Variants in SPCS2 observed in about 807,000 individuals in gnomAD.
The protein encoded by SPCS2 is SPase 25 kDa subunit.
In SPCS2, 3 loss-of-function variants were observed where a neutral mutation model predicts 22.3. The ratio of observed to expected loss-of-function variants is 0.13; its 90% CI spans 0.06 to 0.35. The LOEUF (loss-of-function observed/expected upper bound fraction) is 0.35. Among genes scored for constraint, SPCS2 ranks in the 10% least tolerant of loss-of-function variants. The pLI is 1.00. For synonymous variants in SPCS2, 67 were observed against 97.2 expected (o/e 0.69, Z 1.83); for missense variants, 169 against 280.9 (o/e 0.60, Z 2.85).
At chr11:74,958,794 C>G (rs915736930) in intron 1 of SPCS2, among the ~76,000 whole-genome samples, 1 of 152,108 alleles carries the variant, frequency 6.6e-6, no homozygotes, top group African/African-American at 2.4e-5. Flanking sequence ...AGAATACTCC[C>G]TTTCAGTCCC....
In SPCS2 at chr11:74,961,593, G is replaced by A. The variant is rs567529662; in HGVS notation, c.115-3441G>A. ...TCTTCCTCTGTTCACCCAGGCTAGA[G>A]TGCAATGGCACCATCTCGGCTCACT... On this transcript the variant is annotated intron_variant, in intron 1 of 4. Coordinates refer to ENST00000263672, the MANE Select transcript of SPCS2 (RefSeq NM_014752.3). Among the ~76,000 whole-genome samples, 543 of 142,588 alleles carry A rather than the reference G, an allele frequency of 3.8e-3. 3 individuals carry two copies. Among genetic ancestry groups the A allele is most frequent in the African/African-American group, 0.012 (510 of 40,982 alleles). The allele number at this position is 142,588 out of a possible 152,430, so 93.5% of individuals were successfully genotyped here.
intron 1 of SPCS2, among the ~76,000 whole-genome samples, chr11:74,962,939 T>C (rs1948522490): frequency 6.6e-6 from 1 of 152,270 alleles, no homozygotes; most frequent in African/African-American, 2.4e-5. Context: ...CATTATCCTC[T>C]GACTTTTAAA....
chr11:74,969,053 A>G (rs1250005410), intron 3 of SPCS2, among the ~76,000 whole-genome samples: 1 of 152,232 alleles, frequency 6.6e-6, no homozygotes, highest in South Asian at 2.1e-4. Flanking sequence ...TAACTATGGT[A>G]CTTAATACTG....
At chr11:74,965,964 T>G in intron 3 of SPCS2, 41 bp downstream of exon 3, 1 of 1,553,312 alleles carries the variant, frequency 6.4e-7, no homozygotes, top group Non-Finnish European at 8.7e-7. Flanking sequence ...TAGTGACTAT[T>G]TTTTTAAATC....
intron 1 of SPCS2, among the ~76,000 whole-genome samples, chr11:74,956,634 C>A (rs1310767140): frequency 6.6e-6 from 1 of 152,206 alleles, no homozygotes; most frequent in Non-Finnish European, 1.5e-5. Context: ...GGCTCCGTTA[C>A]ATTTTGTTCT....
At chr11:74,971,397 C>T (rs1201280452) in intron 4 of SPCS2, among the ~76,000 whole-genome samples, 2 of 152,214 alleles carry the variant, frequency 1.3e-5, no homozygotes. Flanking sequence ...TATGCTAACT[C>T]TCTTTGTTTG....
At chr11:74,962,628 A>C (rs1948520977) in intron 1 of SPCS2, among the ~76,000 whole-genome samples, 1 of 152,014 alleles carries the variant, frequency 6.6e-6, no homozygotes, top group African/African-American at 2.4e-5. Flanking sequence ...ATTTTAGTTG[A>C]TGAGCAGTTT....
At chr11:74,973,202 C>T (rs1386657137) in intron 4 of SPCS2, among the ~76,000 whole-genome samples, 1 of 152,158 alleles carries the variant, frequency 6.6e-6, no homozygotes, top group Admixed American at 6.5e-5. Flanking sequence ...GCTTCCAATG[C>T]GTCCTCTTCC....
chr11:74,966,727 T>C (rs527325370), intron 3 of SPCS2, among the ~76,000 whole-genome samples: 1 of 151,556 alleles, frequency 6.6e-6, no homozygotes, highest in Non-Finnish European at 1.5e-5. Context: ...GTTGGTAGTT[T>C]ACTTTTTTAA....
At chr11:74,952,802 G>A (rs931137158) in intron 1 of SPCS2, among the ~76,000 whole-genome samples, 2 of 152,202 alleles carry the variant, frequency 1.3e-5, no homozygotes, top group African/African-American at 4.8e-5. Context: ...ATAGTCAAGA[G>A]CTGCTTGAGT....
intron 4 of SPCS2, among the ~76,000 whole-genome samples, chr11:74,975,773 C>T (rs1848107875): frequency 6.6e-6 from 1 of 152,198 alleles, no homozygotes; most frequent in African/African-American, 2.4e-5. Flanking sequence ...CTGTTTTAGT[C>T]ATGACAGTAA....
rs1233465044 is a variant in SPCS2 at position 74,977,559 on chromosome 11, ATTTG to A, written c.*521_*524del. On this transcript the variant is annotated 3_prime_UTR_variant, in exon 5 of 5. Transcript: ENST00000263672. ...AATTTAAAAAACACATAGCTTTTTA[ATTTG>A]TTTGAAACAGACTTTCTGCCTGTTA... 2 of 152,444 alleles carry A rather than the reference ATTTG, an allele frequency of 1.3e-5. No homozygotes were observed. The highest frequency in any genetic ancestry group is 3.9e-4 in the East Asian group (2 of 5,190). 9.4% of individuals were successfully genotyped at this position (152,444 alleles called of 1,614,324 possible).
intron 4 of SPCS2, among the ~76,000 whole-genome samples, chr11:74,973,351 T>A (rs1217541305): frequency 6.6e-6 from 1 of 152,224 alleles, no homozygotes; most frequent in African/African-American, 2.4e-5. Context: ...CTTTCTTAAG[T>A]CTTGGTGATT....
At chr11:74,959,220 T>C (rs1400297252) in intron 1 of SPCS2, among the ~76,000 whole-genome samples, 1 of 152,226 alleles carries the variant, frequency 6.6e-6, no homozygotes, top group African/African-American at 2.4e-5. Context: ...AATTGAGGAA[T>C]CCTTTGAGTC....
In SPCS2 at chr11:74,949,266, G is replaced by A. The variant is rs1315915658; in HGVS notation, c.-20G>A. On this transcript the variant is annotated 5_prime_UTR_variant, in exon 1 of 5. Transcript: ENST00000263672. Reference sequence around the variant, plus strand: ...GGCTTCAGACAAGTCGGAGGGGAGGGAGACGCAGAGGCGGACAAGATGGCG... The same window carrying A: ...GGCTTCAGACAAGTCGGAGGGGAGGAAGACGCAGAGGCGGACAAGATGGCG... 15 of 1,529,326 alleles carry A rather than the reference G, an allele frequency of 9.8e-6. No individual in the cohort carries two copies. Among genetic ancestry groups the A allele is most frequent in the Non-Finnish European group, 1.3e-5 (15 of 1,138,058 alleles). 94.7% of individuals were successfully genotyped at this position (1,529,326 alleles called of 1,614,324 possible).
intron 1 of SPCS2, among the ~76,000 whole-genome samples, chr11:74,961,903 C>T (rs1458689602): frequency 1.3e-5 from 2 of 152,106 alleles, no homozygotes; most frequent in South Asian, 4.1e-4. Context: ...GGATTGAGTT[C>T]AGGGATTAAG....
chr11:74,949,601 T>G (rs929045678), intron 1 of SPCS2: 3 of 628,894 alleles, frequency 4.8e-6, no homozygotes, highest in African/African-American at 1.8e-5. Context: ...TCTTTAGAAC[T>G]TCTTCTTTTC....
intron 1 of SPCS2, among the ~76,000 whole-genome samples, chr11:74,960,024 T>G (rs1369986404): frequency 6.6e-6 from 1 of 152,216 alleles, no homozygotes; most frequent in East Asian, 1.9e-4. Flanking sequence ...GCCAGCCAGC[T>G]CTGGCATCAG....
chr11:74,966,011 T>G, intron 3 of SPCS2, 88 bp downstream of exon 3: 1 of 1,220,474 alleles, frequency 8.2e-7, no homozygotes, highest in Non-Finnish European at 1.1e-6. Context: ...AAAACGGACT[T>G]TCATATTAGG....
Sources: gnomAD v4.1 joint callset for allele counts (sites outside exome capture counted in the v4.1 genomes callset) on GRCh38, gnomAD v4.1.1 for gene constraint, MANE v1.5 for transcripts, NCBI Gene and HGNC (gene_info 2026-07-23, HGNC 2026-07-21) for gene names.